CYYR1: variants seen among roughly 807,000 people sequenced by gnomAD.
The protein encoded by CYYR1 is cysteine and tyrosine rich 1, also known as cysteine and tyrosine-rich protein 1.
CYYR1 carries 14 observed loss-of-function variants against 15.2 expected under a neutral mutation model. The observed-to-expected ratio is 0.92, with a 90% CI of 0.61 to 1.44. The LOEUF (loss-of-function observed/expected upper bound fraction) is 1.44, where lower values mean the gene tolerates loss of function less well. Ranked by LOEUF, CYYR1 falls within the 40% of genes most tolerant of loss-of-function variation. CYYR1 has a pLI of 0.00. For missense variants in CYYR1, 228 were observed against 209.5 expected (o/e 1.09, Z -0.54); for synonymous variants, 80 against 77.4 (o/e 1.03, Z -0.18).
chr21:26,488,713 T>A (rs1346556400), intron 2 of CYYR1, among the ~76,000 whole-genome samples: 2 of 152,200 alleles, frequency 1.3e-5, no homozygotes, highest in African/African-American at 4.8e-5. Flanking sequence ...CCATTTTCTG[T>A]CTTACCTTCC....
intron 2 of CYYR1, among the ~76,000 whole-genome samples, chr21:26,507,086 T>A (rs2065577560): frequency 6.6e-6 from 1 of 152,178 alleles, no homozygotes; most frequent in African/African-American, 2.4e-5. Flanking sequence ...TGCACTTGAG[T>A]ATGCTCAAGG....
intron 2 of CYYR1, among the ~76,000 whole-genome samples, chr21:26,508,975 C>G (rs1389745101): frequency 1.3e-5 from 2 of 152,190 alleles, no homozygotes; most frequent in African/African-American, 2.4e-5. Flanking sequence ...TATTGCAACA[C>G]TCTCCATTGT....
In CYYR1 at chr21:26,467,399, G is replaced by T. The variant is rs1180138431; in HGVS notation, c.*1102C>A. Reference sequence around the variant, plus strand: ...TGTCATTAACTTTTTTAAGAGAACAGATTATCAAAATTTTACGAAGAAGAA... The same window carrying T: ...TGTCATTAACTTTTTTAAGAGAACATATTATCAAAATTTTACGAAGAAGAA... On this transcript the variant is annotated 3_prime_UTR_variant, in exon 4 of 4. Coordinates refer to ENST00000652641, the MANE Select transcript of CYYR1 (RefSeq NM_001320768.2). 1 of 152,192 alleles carries T rather than the reference G, an allele frequency of 6.6e-6. No homozygotes were observed. The highest frequency in any genetic ancestry group is 2.4e-5 in the African/African-American group (1 of 41,556). 9.4% of individuals were successfully genotyped at this position (152,192 alleles called of 1,614,324 possible). A position where few individuals can be genotyped will look rare whatever the true frequency, so the allele number is the denominator to read the frequency against.
At position 26,466,340 on chromosome 21, in the gene CYYR1, T is replaced by C. The variant is rs1298273541; in HGVS notation, c.*2161A>G. On this transcript the variant is annotated 3_prime_UTR_variant, in exon 4 of 4. Transcript: ENST00000652641. ...CTATACTATTTTTCCCCAAGAAGCA[T>C]CATCTATGAAAACAATCAGTGAACT... The C allele has an allele frequency of 2.0e-5, 3 of 152,230 alleles. No individual in the cohort carries two copies. The highest frequency in any genetic ancestry group is 2.9e-5 in the Non-Finnish European group (2 of 68,042). The allele number at this position is 152,230 out of a possible 1,614,324, so 9.4% of individuals were successfully genotyped here. A position where few individuals can be genotyped will look rare whatever the true frequency, so the allele number is the denominator to read the frequency against.
intron 2 of CYYR1, among the ~76,000 whole-genome samples, chr21:26,504,088 G>A (rs1014050833): frequency 3.9e-5 from 6 of 152,136 alleles, no homozygotes; most frequent in African/African-American, 1.4e-4. Context: ...ATCTCAACTT[G>A]AGGCATTCTG....
intron 2 of CYYR1, among the ~76,000 whole-genome samples, chr21:26,492,541 G>A (rs2065342465): frequency 6.6e-6 from 1 of 152,154 alleles, no homozygotes; most frequent in Non-Finnish European, 1.5e-5. Flanking sequence ...ACAGATGTGA[G>A]CTAGAATTAT....
intron 2 of CYYR1, among the ~76,000 whole-genome samples, chr21:26,544,037 G>A (rs1026613692): frequency 6.6e-6 from 1 of 152,156 alleles, no homozygotes; most frequent in Non-Finnish European, 1.5e-5. Flanking sequence ...TATTAGATAA[G>A]GGAGATTGGA....
At position 26,543,186 on chromosome 21, in the gene CYYR1, G is replaced by A. The variant is rs190261366; in HGVS notation, c.176+23080C>T. Reference sequence around the variant, plus strand: ...AACGGCACACACTGGAGTCTGTTGCGTGGTGGATGCGGGGAGGAAGAGCAG... The same window carrying A: ...AACGGCACACACTGGAGTCTGTTGCATGGTGGATGCGGGGAGGAAGAGCAG... On this transcript the variant is annotated intron_variant, in intron 2 of 3. Transcript: ENST00000652641. 1.4e-4 allele frequency among the ~76,000 whole-genome samples: 21 copies of A among 152,250 alleles called. 1 individual carries two copies. Among genetic ancestry groups the A allele is most frequent in the African/African-American group, 4.3e-4 (18 of 41,548 alleles).
intron 1 of CYYR1, chr21:26,569,077 G>A (rs1980842202): frequency 6.6e-6 from 1 of 152,152 alleles, no homozygotes; most frequent in African/African-American, 2.4e-5. Flanking sequence ...TGATCCCATT[G>A]CTGGGGTATC....
chr21:26,542,142 T>C (rs985350741), intron 2 of CYYR1, among the ~76,000 whole-genome samples: 4 of 146,958 alleles, frequency 2.7e-5, no homozygotes, highest in Non-Finnish European at 4.4e-5. Context: ...TACAAAAAAA[T>C]CAAGTAGATG....
At chr21:26,476,913 TG>T (rs1300768856) in intron 3 of CYYR1, among the ~76,000 whole-genome samples, 1 of 152,180 alleles carries the variant, frequency 6.6e-6, no homozygotes, top group Non-Finnish European at 1.5e-5. Flanking sequence ...TGAAAATTCT[TG>T]CCTTCATGTG....
At chr21:26,532,107 T>TC (rs2065938907) in intron 2 of CYYR1, among the ~76,000 whole-genome samples, 1 of 152,130 alleles carries the variant, frequency 6.6e-6, no homozygotes, top group Non-Finnish European at 1.5e-5. Flanking sequence ...AAAAAATATA[T>TC]CTTCAGAGTT....
chr21:26,495,506 G>T (rs753818263), intron 2 of CYYR1, among the ~76,000 whole-genome samples: 1 of 152,082 alleles, frequency 6.6e-6, no homozygotes, highest in Admixed American at 6.5e-5. Context: ...TGCATTGGAG[G>T]GTTGTCTAAT....
chr21:26,571,215 T>C (rs1446484079), intron 1 of CYYR1, among the ~76,000 whole-genome samples: 1 of 152,180 alleles, frequency 6.6e-6, no homozygotes, highest in Non-Finnish European at 1.5e-5. Context: ...ATGAAAAGCA[T>C]AAAAAGGCCT....
chr21:26,541,776 T>C (rs921278987), intron 2 of CYYR1, among the ~76,000 whole-genome samples: 4 of 152,204 alleles, frequency 2.6e-5, no homozygotes, highest in Admixed American at 1.3e-4. Flanking sequence ...AAAAGACCTA[T>C]AGGATTGCAA....
intron 2 of CYYR1, among the ~76,000 whole-genome samples, chr21:26,538,208 T>C (rs75877313): frequency 0.028 from 4,195 of 152,278 alleles, 69 homozygotes; most frequent in African/African-American, 0.043. Flanking sequence ...GGTGATGACA[T>C]TGCAGTGAAG....
intron 2 of CYYR1, among the ~76,000 whole-genome samples, chr21:26,497,895 T>G (rs1371842849): frequency 6.6e-6 from 1 of 152,208 alleles, no homozygotes; most frequent in African/African-American, 2.4e-5. Flanking sequence ...GATCAATATG[T>G]GTAAATATTG....
At chr21:26,517,271 C>A (rs1428775489) in intron 2 of CYYR1, among the ~76,000 whole-genome samples, 1 of 152,000 alleles carries the variant, frequency 6.6e-6, no homozygotes, top group African/African-American at 2.4e-5. Flanking sequence ...TTAGTCAAGC[C>A]TGTCCTTCTG....
At chr21:26,511,744 T>C (rs1450690467) in intron 2 of CYYR1, among the ~76,000 whole-genome samples, 1 of 152,192 alleles carries the variant, frequency 6.6e-6, no homozygotes, top group Non-Finnish European at 1.5e-5. Context: ...TTTCTTCCCC[T>C]TTAACCCCAA....
Sources: allele counts gnomAD v4.1 joint callset (sites outside exome capture counted in the v4.1 genomes callset), GRCh38; gene constraint gnomAD v4.1.1; transcripts MANE v1.5; gene names NCBI Gene and HGNC (gene_info 2026-07-23, HGNC 2026-07-21).